SOS1: variants seen among roughly 807,000 people sequenced by gnomAD.
SOS1 encodes son of sevenless homolog 1.
SOS1 carries 25 observed loss-of-function variants against 157.6 expected under a neutral mutation model. The ratio of observed to expected loss-of-function variants is 0.16; its 90% CI spans 0.12 to 0.22. SOS1 has a LOEUF of 0.22. SOS1 is among the 10% of genes least tolerant of loss of function. SOS1 has a pLI of 1.00. For synonymous variants in SOS1, 528 were observed against 534.0 expected, an observed-to-expected ratio of 0.99 and a Z score of 0.16; for missense variants, 1,237 against 1,599.1, an observed-to-expected ratio of 0.77 and a Z score of 3.86.
At chr2:39,102,377 T>C (rs1673002361) in intron 1 of SOS1, among the ~76,000 whole-genome samples, 1 of 146,156 alleles carries the variant, frequency 6.8e-6, no homozygotes, top group African/African-American at 2.5e-5. Context: ...GAAAAAAAAT[T>C]AGGTGGGTGT....
intron 1 of SOS1, among the ~76,000 whole-genome samples, chr2:39,112,155 T>C (rs1030442798): frequency 6.6e-6 from 1 of 151,912 alleles, no homozygotes; most frequent in Non-Finnish European, 1.5e-5. Context: ...TTACTTCCTC[T>C]CTATCACTTG....
At chr2:39,003,504 G>A (rs1270173791) in intron 17 of SOS1, among the ~76,000 whole-genome samples, 1 of 152,150 alleles carries the variant, frequency 6.6e-6, no homozygotes, top group Non-Finnish European at 1.5e-5. Flanking sequence ...GTCAAAGGAA[G>A]AGACACTGTA....
At chr2:38,994,466 T>A (rs905296722) in intron 20 of SOS1, among the ~76,000 whole-genome samples, 1 of 152,170 alleles carries the variant, frequency 6.6e-6, no homozygotes. Context: ...ATCTGATACA[T>A]TGCAAAATTA....
At chr2:39,040,132 C>G (rs1670513263) in intron 6 of SOS1, among the ~76,000 whole-genome samples, 1 of 151,890 alleles carries the variant, frequency 6.6e-6, no homozygotes, top group South Asian at 2.1e-4. Flanking sequence ...CTGCCTCAGC[C>G]TCCCGAGTAG....
chr2:39,091,275 T>C (rs1672586122), intron 1 of SOS1, among the ~76,000 whole-genome samples: 1 of 152,174 alleles, frequency 6.6e-6, no homozygotes, highest in African/African-American at 2.4e-5. Flanking sequence ...TGCTGGATTT[T>C]TACCTCCTTG....
Position 39,045,435 on chromosome 2 carries a change from ACTT to A in SOS1, c.864+5706_864+5708del, listed in dbSNP as rs562388147. On this transcript the variant is annotated intron_variant, in intron 6 of 22. Transcript: ENST00000402219. Reference sequence around the variant, plus strand: ...ATTTCTTATAATTCTGTCAGTTTCTACTTCTTATATTTTGAGGCTTTATAATCA... The same window carrying A: ...ATTTCTTATAATTCTGTCAGTTTCTACTTATATTTTGAGGCTTTATAATCA... 1.7e-3 allele frequency among the ~76,000 whole-genome samples: 266 copies of A among 152,058 alleles called. 2 individuals carry two copies. The highest frequency in any genetic ancestry group is 5.9e-3 in the African/African-American group (244 of 41,490).
intron 10 of SOS1, 135 bp from the exon 11 acceptor site, chr2:39,014,981 G>A (rs1202581607): frequency 4.7e-6 from 3 of 637,180 alleles, no homozygotes; most frequent in African/African-American, 1.8e-5. Flanking sequence ...GAAGGCTTTG[G>A]ACTTGGTAAT....
intron 6 of SOS1, among the ~76,000 whole-genome samples, chr2:39,041,181 C>T (rs538709348): frequency 6.6e-6 from 1 of 152,194 alleles, no homozygotes; most frequent in South Asian, 2.1e-4. Context: ...ACCTCAGCCC[C>T]CGAGTAGCTG....
At chr2:39,120,266 T>TCC in intron 1 of SOS1, 70 bp downstream of exon 1, 2 of 1,376,696 alleles carry the variant, frequency 1.5e-6, no homozygotes, top group Non-Finnish European at 1.9e-6. Flanking sequence ...GCGCCCCGCC[T>TCC]CCCCAGCCCT....
At chr2:39,059,157 C>T (rs1290206066) in intron 2 of SOS1, among the ~76,000 whole-genome samples, 1 of 152,204 alleles carries the variant, frequency 6.6e-6, no homozygotes, top group East Asian at 1.9e-4. Context: ...ATATCTAAAT[C>T]CAGTTCTCAC....
Position 39,007,189 on chromosome 2 carries a change from T to C in SOS1, c.2515A>G (p.Ile839Val), listed in dbSNP as rs1341382516. 2 of 1,581,630 alleles carry C rather than the reference T, an allele frequency of 1.3e-6. No individual in the cohort carries two copies. Among genetic ancestry groups the C allele is most frequent in the South Asian group, 1.1e-5 (1 of 90,372 alleles). Reference sequence around the variant, plus strand: ...TCTTCTAAATTTTCAGTTTCTACAATACATCTGGGAATAAAAAAAAAGTGA... The same window carrying C: ...TCTTCTAAATTTTCAGTTTCTACAACACATCTGGGAATAAAAAAAAAGTGA... ...TNLTLWFEKC[I>V]VETENLEERV... The change falls in exon 16 of 23, where the codon ATT (isoleucine) becomes GTT (valine). Residue 839 changes from isoleucine to valine, a missense_variant. Ile to Val is a conservative substitution (Grantham distance 29). Transcript: ENST00000402219.
At chr2:39,043,281 T>C (rs1201732580) in intron 6 of SOS1, among the ~76,000 whole-genome samples, 2 of 152,222 alleles carry the variant, frequency 1.3e-5, no homozygotes, top group Non-Finnish European at 2.9e-5. Context: ...AACTTTAAAA[T>C]GTCAAACCAC....
chr2:39,038,804 A>T (rs1670451512), intron 6 of SOS1, among the ~76,000 whole-genome samples: 1 of 151,306 alleles, frequency 6.6e-6, no homozygotes, highest in Non-Finnish European at 1.5e-5. Flanking sequence ...CATTTTTATG[A>T]CAACAAAGGA....
chr2:39,109,199 G>T (rs1001288738), intron 1 of SOS1, among the ~76,000 whole-genome samples: 8 of 151,828 alleles, frequency 5.3e-5, no homozygotes, highest in Admixed American at 5.3e-4. Context: ...AACTTGTCTC[G>T]AAAAAATAAA....
intron 1 of SOS1, among the ~76,000 whole-genome samples, chr2:39,115,812 G>T (rs894696642): frequency 6.6e-6 from 1 of 152,150 alleles, no homozygotes; most frequent in Admixed American, 6.5e-5. Context: ...ACCTGTTGAC[G>T]AACATTGGAT....
chr2:39,052,524 G>A (rs933196983), intron 5 of SOS1, among the ~76,000 whole-genome samples: 1 of 152,112 alleles, frequency 6.6e-6, no homozygotes, highest in Non-Finnish European at 1.5e-5. Flanking sequence ...CTATAGACAT[G>A]TCTTTTCTAG....
At chr2:38,996,854 C>T (rs995437202) in intron 19 of SOS1, 68 bp downstream of exon 19, 3 of 847,302 alleles carry the variant, frequency 3.5e-6, no homozygotes, top group South Asian at 2.7e-5. Context: ...TCCCTGAATA[C>T]CTTTATGGAA....
At chr2:39,107,271 A>C (rs902650078) in intron 1 of SOS1, among the ~76,000 whole-genome samples, 1 of 152,156 alleles carries the variant, frequency 6.6e-6, no homozygotes, top group Non-Finnish European at 1.5e-5. Context: ...AGCTGCACTC[A>C]AATCCATCAC....
chr2:39,067,964 C>G (rs1572867783), intron 1 of SOS1, among the ~76,000 whole-genome samples: 1 of 152,056 alleles, frequency 6.6e-6, no homozygotes, highest in Admixed American at 6.6e-5. Context: ...ATTAAAAATA[C>G]AAAAATTAGC....
Sources: gnomAD v4.1 joint callset for allele counts (sites outside exome capture counted in the v4.1 genomes callset) on GRCh38, gnomAD v4.1.1 for gene constraint, MANE v1.5 for transcripts, NCBI Gene and HGNC (gene_info 2026-07-23, HGNC 2026-07-21) for gene names.